DIAPH2: variants seen among roughly 807,000 people sequenced by gnomAD.
DIAPH2 encodes protein diaphanous homolog 2.
In DIAPH2, 35 loss-of-function variants were observed where a neutral mutation model predicts 92.7. The ratio of observed to expected loss-of-function variants is 0.38; its 90% CI spans 0.29 to 0.50. DIAPH2 has a LOEUF of 0.50. Among genes scored for constraint, DIAPH2 ranks in the 20% least tolerant of loss-of-function variants. The pLI is 0.94. For synonymous variants in DIAPH2, 301 were observed against 280.4 expected, an observed-to-expected ratio of 1.07 and a Z score of -0.73; for missense variants, 701 against 819.5, an observed-to-expected ratio of 0.86 and a Z score of 1.77.
At chrX:97,559,203 C>T (rs1307157359) in intron 26 of DIAPH2, among the ~76,000 whole-genome samples, 1 of 111,783 alleles carries the variant, frequency 8.9e-6, no homozygotes, top group East Asian at 2.8e-4. Context: ...AAATATAAAA[C>T]AGTCCGGGTC....
Position 96,738,658 on chromosome X carries a change from T to C in DIAPH2, c.238T>C (p.Ser80Pro). The change falls in exon 3 of 27, where the codon TCT (serine) becomes CCT (proline). Residue 80 changes from serine to proline, a missense_variant. Ser to Pro is a moderately conservative substitution (Grantham distance 74, BLOSUM62 -1). Coordinates refer to ENST00000324765, the MANE Select transcript of DIAPH2 (RefSeq NM_006729.5). ...ACCTCTTATTCAACATCCTATTGAT[T>C]CTCAAGTCGCGATGAGTGAGTTTCC... ...EKPLIQHPID[S>P]QVAMSEFPAA... The C allele has an allele frequency of 8.3e-7, 1 of 1,207,648 alleles. No individual in the cohort carries two copies. Among genetic ancestry groups the C allele is most frequent in the Non-Finnish European group, 1.1e-6 (1 of 892,807 alleles).
At chrX:97,338,869 A>G (rs1266524388) in intron 23 of DIAPH2, among the ~76,000 whole-genome samples, 1 of 111,931 alleles carries the variant, frequency 8.9e-6, no homozygotes, top group Admixed American at 9.5e-5. Context: ...TTTTCTACAC[A>G]TAGCATTGAT....
chrX:97,330,103 G>GTGTGTGTGTGTGTGTGTA (rs2068987192), intron 23 of DIAPH2, among the ~76,000 whole-genome samples: 1 of 108,079 alleles, frequency 9.3e-6, no homozygotes, highest in Non-Finnish European at 1.9e-5. Context: ...GTGTGTGTGT[G>GTGTGTGTGTGTGTGTGTA]TGTGTGTGTA....
intron 25 of DIAPH2, among the ~76,000 whole-genome samples, chrX:97,412,135 T>G (rs1255338118): frequency 2.7e-5 from 3 of 111,808 alleles, no homozygotes; most frequent in African/African-American, 9.8e-5. Context: ...TATTCCAAAA[T>G]TGACCACATA....
chrX:97,156,408 A>C (rs1255347633), intron 22 of DIAPH2, among the ~76,000 whole-genome samples: 1 of 112,535 alleles, frequency 8.9e-6, no homozygotes, highest in Non-Finnish European at 1.9e-5. Context: ...AACTTTAATA[A>C]ATGAATCAAT....
chrX:96,824,943 CT>C lies in DIAPH2; in HGVS notation c.448-56623del, dbSNP rs1270866577. ...TTCACCAGTATTAATGTTTTTCTTTCTTTTTTTTTTTTTCTTTTTTGAGACA... is the reference window on the plus strand; with the variant it reads ...TTCACCAGTATTAATGTTTTTCTTTCTTTTTTTTTTTTCTTTTTTGAGACA... On this transcript the variant is annotated intron_variant, in intron 4 of 26. Transcript: ENST00000324765. 2.0e-3 allele frequency among the ~76,000 whole-genome samples: 198 copies of C among 100,060 alleles called. 1 individual carries two copies. The highest frequency in any genetic ancestry group is 5.3e-3 in the African/African-American group (147 of 27,671). 86.9% of individuals were successfully genotyped at this position (100,060 alleles called of 115,157 possible). A position where few individuals can be genotyped will look rare whatever the true frequency, so the allele number is the denominator to read the frequency against.
chrX:96,865,796 T>A (rs1193956249), intron 4 of DIAPH2, among the ~76,000 whole-genome samples: 1 of 112,473 alleles, frequency 8.9e-6, no homozygotes, highest in East Asian at 2.8e-4. Flanking sequence ...AGTAGTACAG[T>A]GAATGGCACA....
chrX:97,080,688 A>C (rs2066737111), intron 19 of DIAPH2, among the ~76,000 whole-genome samples: 1 of 111,762 alleles, frequency 8.9e-6, no homozygotes, highest in African/African-American at 3.3e-5. Context: ...AAGATCATCT[A>C]GTCCATTCCC....
chrX:97,137,655 C>T (rs774773949), intron 21 of DIAPH2, among the ~76,000 whole-genome samples: 24 of 110,625 alleles, frequency 2.2e-4, no homozygotes, highest in Non-Finnish European at 4.2e-4. Context: ...GGCGTCCACA[C>T]AGAGAGAGCT....
chrX:97,111,640 A>G (rs748292469), intron 20 of DIAPH2, among the ~76,000 whole-genome samples: 1 of 111,540 alleles, frequency 9.0e-6, no homozygotes, highest in Non-Finnish European at 1.9e-5. Flanking sequence ...CCTACTGTCA[A>G]CATGCTACCT....
chrX:97,404,541 C>G (rs966932997), intron 25 of DIAPH2, among the ~76,000 whole-genome samples: 3 of 111,749 alleles, frequency 2.7e-5, no homozygotes, highest in African/African-American at 9.7e-5. Flanking sequence ...TTTTATATTT[C>G]AGATGCTCTT....
intron 24 of DIAPH2, among the ~76,000 whole-genome samples, chrX:97,371,059 G>A (rs752853058): frequency 8.9e-6 from 1 of 111,946 alleles, no homozygotes; most frequent in Non-Finnish European, 1.9e-5. Flanking sequence ...ACATCTCTTA[G>A]AGTATTGTTT....
At position 97,338,152 on chromosome X, in the gene DIAPH2, G is replaced by A. The variant is rs762107639; in HGVS notation, c.2845-9964G>A. On this transcript the variant is annotated intron_variant, in intron 23 of 26. Transcript: ENST00000324765. ...CTCCCAAAGTGCTGGGATTATAAGC[G>A]TGAGCCACCGTACCTGGCCTATAAT... Among the ~76,000 whole-genome samples the A allele has an allele frequency of 8.1e-5, 9 of 110,891 alleles. No individual in the cohort carries two copies. In the East Asian group the frequency reaches 8.5e-4, roughly 11 times the overall value.
chrX:97,185,474 C>CATATAT (rs1180330581), intron 22 of DIAPH2, among the ~76,000 whole-genome samples: 17 of 10,500 alleles, frequency 1.6e-3, no homozygotes, highest in Non-Finnish European at 2.3e-3. Context: ...TATATATACA[C>CATATAT]ATATATATAT....
intron 26 of DIAPH2, among the ~76,000 whole-genome samples, chrX:97,539,037 T>C (rs938164481): frequency 8.9e-6 from 1 of 112,126 alleles, no homozygotes; most frequent in Non-Finnish European, 1.9e-5. Flanking sequence ...TTAAATATAC[T>C]TAGAAAGAAG....
intron 4 of DIAPH2, among the ~76,000 whole-genome samples, chrX:96,818,020 C>T (rs1223362521): frequency 1.6e-5 from 1 of 61,961 alleles, no homozygotes; most frequent in African/African-American, 6.7e-5. Context: ...CTCGCTCTGT[C>T]GCCCAGGCTG....
chrX:97,240,571 A>T (rs1213665517), intron 22 of DIAPH2, among the ~76,000 whole-genome samples: 1 of 106,520 alleles, frequency 9.4e-6, no homozygotes, highest in African/African-American at 3.5e-5. Flanking sequence ...GTACCACTGC[A>T]TTCCAGCCTG....
chrX:97,212,793 T>A (rs1019260826), intron 22 of DIAPH2, among the ~76,000 whole-genome samples: 3 of 110,821 alleles, frequency 2.7e-5, no homozygotes, highest in Admixed American at 9.7e-5. Context: ...TTGTCAAAAT[T>A]GTTCTATTTA....
At chrX:97,322,582 C>A (rs955148608) in intron 23 of DIAPH2, among the ~76,000 whole-genome samples, 1 of 111,340 alleles carries the variant, frequency 9.0e-6, no homozygotes, top group Non-Finnish European at 1.9e-5. Flanking sequence ...AAAGAAAACA[C>A]CAGAAACCAT....
Sources: gnomAD v4.1 joint callset for allele counts (sites outside exome capture counted in the v4.1 genomes callset) on GRCh38, gnomAD v4.1.1 for gene constraint, MANE v1.5 for transcripts, NCBI Gene and HGNC (gene_info 2026-07-23, HGNC 2026-07-21) for gene names.